STYK1: variants seen among roughly 807,000 people sequenced by gnomAD.
The protein encoded by STYK1 is STY kinase 1, also known as tyrosine-protein kinase STYK1.
Under a neutral mutation model 48.1 loss-of-function variants are expected in STYK1, and 46 were observed. The ratio of observed to expected loss-of-function variants is 0.96; its 90% confidence interval spans 0.75 to 1.22. The LOEUF (loss-of-function observed/expected upper bound fraction) is 1.22. Among genes scored for constraint, STYK1 ranks in the 50% most tolerant of loss-of-function variants. The pLI is 0.00. For missense variants in STYK1, 527 were observed against 521.1 expected (o/e 1.01, Z -0.11); for synonymous variants, 188 against 189.0 (o/e 0.99, Z 0.04).
chr12:10,663,193 C>A (rs771392271), intron 1 of STYK1, among the ~76,000 whole-genome samples: 1 of 152,144 alleles, frequency 6.6e-6, no homozygotes, highest in African/African-American at 2.4e-5. Context: ...GAGCTCATTG[C>A]AGCCTCAAGC....
chr12:10,665,842 A>C (rs554265185), intron 1 of STYK1, among the ~76,000 whole-genome samples: 1 of 152,360 alleles, frequency 6.6e-6, no homozygotes, highest in East Asian at 1.9e-4. Context: ...AGGTAAGTTA[A>C]AGGAGCCAGG....
intron 1 of STYK1, among the ~76,000 whole-genome samples, chr12:10,664,037 T>C (rs12322404): frequency 0.046 from 6,941 of 152,276 alleles, 528 homozygotes; most frequent in African/African-American, 0.16. Context: ...AAAGAATCTG[T>C]CCTAGAACAG....
intron 10 of STYK1, among the ~76,000 whole-genome samples, chr12:10,620,670 T>G (rs1437331514): frequency 6.6e-6 from 1 of 152,238 alleles, no homozygotes; most frequent in Non-Finnish European, 1.5e-5. Flanking sequence ...GTAACAGGGC[T>G]GGGTAGAAAT....
At position 10,666,258 on chromosome 12, in the gene STYK1, C is replaced by T. The variant is rs111973899; in HGVS notation, c.-195+7708G>A. Among the ~76,000 whole-genome samples, 139 of 152,250 alleles carry T rather than the reference C, an allele frequency of 9.1e-4. 3 individuals carry two copies. Among genetic ancestry groups the T allele is most frequent in the African/African-American group, 3.2e-3 (132 of 41,528 alleles). ...TTTCACTGACACAAACTAGGGGTGA[C>T]TTGACATACAATTGGTCCTGATAGC... On this transcript the variant is annotated intron_variant, in intron 1 of 10. Transcript: ENST00000075503.
rs750040588 is a variant in STYK1, at chr12:10,622,654, A to G, written c.951T>C (p.Tyr317=). ...CATCCTTACCTAGAGTCACCATCTCATAGAGCAGGATCCCAAAAGACCAGC... is the reference window on the plus strand; with the variant it reads ...CATCCTTACCTAGAGTCACCATCTCGTAGAGCAGGATCCCAAAAGACCAGC... ...ADVWSFGILL[Y]EMVTLGAPPY... is the part of the protein sequence containing the mutation. Residue 317 remains tyrosine (Y), a synonymous_variant, in exon 9 of 11, where the codon TAT becomes TAC. Transcript: ENST00000075503. 5.6e-6 allele frequency: 9 copies of G among 1,613,496 alleles called. No individual in the cohort carries two copies. Among genetic ancestry groups the G allele is most frequent in the Non-Finnish European group, 7.6e-6 (9 of 1,179,604 alleles).
chr12:10,653,598 C>A (rs925543355), intron 1 of STYK1, among the ~76,000 whole-genome samples: 1 of 152,176 alleles, frequency 6.6e-6, no homozygotes, highest in Non-Finnish European at 1.5e-5. Flanking sequence ...TACCTTATAT[C>A]ATTTCCTCAA....
At position 10,627,665 on chromosome 12, in the gene STYK1, G is replaced by T; in HGVS notation, c.693C>A (p.Ile231=). 1 of 1,613,660 alleles carries T rather than the reference G, an allele frequency of 6.2e-7. No individual in the cohort carries two copies. The highest frequency in any genetic ancestry group is 8.5e-7 in the Non-Finnish European group (1 of 1,179,834). The change falls in exon 7 of 11, where the codon ATC becomes ATA. Residue 231 remains isoleucine, a synonymous_variant. Coordinates refer to ENST00000075503, the MANE Select transcript of STYK1 (RefSeq NM_018423.3). ...YDLTEKQVYH[I]GKQVLLALEF... is the part of the protein sequence containing the mutation. ...CCAGCGCCAAAAGGACCTGCTTTCC[G>T]ATGTGATATACTTGTTTTTCTGTGA... is the stretch of plus-strand genomic sequence containing the variant.
At chr12:10,649,524 C>A (rs1040395063) in intron 1 of STYK1, among the ~76,000 whole-genome samples, 3 of 152,148 alleles carry the variant, frequency 2.0e-5, no homozygotes, top group African/African-American at 7.2e-5. Flanking sequence ...GGGAAAAACA[C>A]CTGTGTAGGG....
chr12:10,638,159 A>ATAAATATGTTTGATAGTTGT (rs1947506372), intron 1 of STYK1, among the ~76,000 whole-genome samples: 1 of 152,220 alleles, frequency 6.6e-6, no homozygotes, highest in African/African-American at 2.4e-5. Context: ...TTTCATTCTG[A>ATAAATATGTTTGATAGTTGT]TAAATATGTT....
In STYK1 at chr12:10,624,715, T is replaced by C. The variant is rs1362904499; in HGVS notation, c.862A>G (p.Ile288Val). ...TCTGGGGCAAGCCACTTGAGAGGTA[T>C]GGTTTGAGTAGAGGAGATGGCCCCT... is the stretch of plus-strand genomic sequence containing the variant. Reference protein sequence around the residue: ...TRGAISSTQTIPLKWLAPERL... With the variant: ...TRGAISSTQTVPLKWLAPERL... The change falls in exon 8 of 11, where the codon ATA (isoleucine) becomes GTA (valine). Residue 288 changes from isoleucine to valine, a missense_variant. Physicochemically the swap from Ile to Val is conservative, Grantham distance 29. Coordinates refer to ENST00000075503, the MANE Select transcript of STYK1 (RefSeq NM_018423.3). 6 of 1,614,014 alleles carry C rather than the reference T, an allele frequency of 3.7e-6. No individual in the cohort carries two copies. The highest frequency in any genetic ancestry group is 1.3e-5 in the African/African-American group (1 of 74,912).
At chr12:10,662,570 G>C (rs145776029) in intron 1 of STYK1, among the ~76,000 whole-genome samples, 1 of 150,084 alleles carries the variant, frequency 6.7e-6, no homozygotes, top group Non-Finnish European at 1.5e-5. Flanking sequence ...GGTATGAAAT[G>C]ATATCTCACT....
intron 5 of STYK1, 107 bp downstream of exon 5, chr12:10,630,938 G>A: frequency 1.4e-6 from 2 of 1,428,598 alleles, no homozygotes; most frequent in East Asian, 2.3e-5. Context: ...ACCTTCTTCT[G>A]TACACAGTTA....
chr12:10,624,632 G>A lies in STYK1; in HGVS notation c.926+19C>T. 1 of 1,610,998 alleles carries A rather than the reference G, an allele frequency of 6.2e-7. No homozygotes were observed. Among genetic ancestry groups the A allele is most frequent in the Non-Finnish European group, 8.5e-7 (1 of 1,178,008 alleles). On this transcript the variant is annotated intron_variant, in intron 8 of 10. Coordinates refer to ENST00000075503, the MANE Select transcript of STYK1 (RefSeq NM_018423.3). ...AAGTCATGAAGAAAGTAAACTCAGA[G>A]TCCAGGAATAAACCGTACACATCTG...
intron 1 of STYK1, among the ~76,000 whole-genome samples, chr12:10,669,320 C>G (rs374178104): frequency 1.3e-5 from 2 of 152,048 alleles, no homozygotes; most frequent in Non-Finnish European, 2.9e-5. Flanking sequence ...GGTTTCTGTT[C>G]GATAGGGACA....
chr12:10,629,122 T>C (rs867759106), intron 6 of STYK1, among the ~76,000 whole-genome samples: 2 of 152,172 alleles, frequency 1.3e-5, no homozygotes, highest in Admixed American at 1.3e-4. Flanking sequence ...GTCACATAAC[T>C]AGTAGGAGGT....
chr12:10,646,250 T>C (rs916932508), intron 1 of STYK1, among the ~76,000 whole-genome samples: 3 of 152,216 alleles, frequency 2.0e-5, no homozygotes, highest in Admixed American at 6.5e-5. Flanking sequence ...CCCTAGAGAC[T>C]TGTTGAATGA....
intron 8 of STYK1, among the ~76,000 whole-genome samples, chr12:10,624,300 T>C (rs1947331316): frequency 6.6e-6 from 1 of 150,804 alleles, no homozygotes; most frequent in South Asian, 2.1e-4. Flanking sequence ...GGTGCATGCC[T>C]GTAGTCCTAG....
In STYK1 at chr12:10,622,696, C is replaced by T. The variant is rs1409591217; in HGVS notation, c.927-18G>A. On this transcript the variant is annotated intron_variant, in intron 8 of 10. Transcript: ENST00000075503. ...AAGACCAGCTGTAAAAGAAACAAAG[C>T]CATCTATTTAATTTCTATTTCTGTT... The T allele has an allele frequency of 1.2e-6, 2 of 1,613,680 alleles. No individual in the cohort carries two copies. The highest frequency in any genetic ancestry group is 1.7e-5 in the Admixed American group (1 of 60,006).
chr12:10,654,294 G>A (rs1419642206), intron 1 of STYK1, among the ~76,000 whole-genome samples: 3 of 152,174 alleles, frequency 2.0e-5, no homozygotes, highest in African/African-American at 4.8e-5. Flanking sequence ...ACTCAGTCAA[G>A]TAGCCCACAC....
Sources: gnomAD v4.1 joint callset for allele counts (sites outside exome capture counted in the v4.1 genomes callset) on GRCh38, gnomAD v4.1.1 for gene constraint, MANE v1.5 for transcripts, NCBI Gene and HGNC (gene_info 2026-07-23, HGNC 2026-07-21) for gene names.